Variants in ADAM18 observed in about 807,000 individuals in gnomAD.
ADAM18 encodes ADAM metallopeptidase domain 18, also known as disintegrin and metalloproteinase domain-containing protein 18.
Under a neutral mutation model 94.4 loss-of-function variants are expected in ADAM18, and 117 were observed. The ratio of observed to expected loss-of-function variants is 1.24; its 90% CI spans 1.07 to 1.45. The LOEUF is 1.45. Ranked by LOEUF, ADAM18 falls within the 40% of genes most tolerant of loss-of-function variation. The probability of loss-of-function intolerance (pLI) is 0.00; values close to 1 mark genes in which losing one functional copy is unlikely to be tolerated. For missense variants in ADAM18, 936 were observed against 880.0 expected (o/e 1.06, Z -0.81); for synonymous variants, 327 against 291.6 (o/e 1.12, Z -1.24).
chr8:39,635,723 C>G (rs1820058328), intron 7 of ADAM18, among the ~76,000 whole-genome samples: 1 of 152,062 alleles, frequency 6.6e-6, no homozygotes, highest in Admixed American at 6.6e-5. Flanking sequence ...CTTTGTCTTT[C>G]ATGTACCTTG....
chr8:39,688,078 T>C (rs543507268), intron 16 of ADAM18, among the ~76,000 whole-genome samples: 2 of 152,312 alleles, frequency 1.3e-5, no homozygotes, highest in South Asian at 2.1e-4. Flanking sequence ...CTAATTTACA[T>C]TTCCACCAGC....
chr8:39,610,668 CA>C lies in ADAM18; in HGVS notation c.485del (p.Gln162ArgfsTer10). 1 of 1,613,198 alleles carries C rather than the reference CA, an allele frequency of 6.2e-7. No individual in the cohort carries two copies. Among genetic ancestry groups the C allele is most frequent in the African/African-American group, 1.3e-5 (1 of 74,988 alleles). On this transcript the variant is annotated frameshift_variant, in exon 6 of 20. Coordinates refer to ENST00000265707, the MANE Select transcript of ADAM18 (RefSeq NM_014237.3). LOFTEE classifies it high-confidence loss of function. ...ILAVNYSHIW[Q>X]KDQPYKVPLN... ...AGCAGTAAATTACAGTCATATTTGG[CA>C]GAAAGACCAGCCCTACAAAGTTCCT...
chr8:39,637,835 A>G lies in ADAM18; in HGVS notation c.827+132A>G, dbSNP rs1305068228. On this transcript the variant is annotated intron_variant, in intron 9 of 19. Coordinates refer to ENST00000265707, the MANE Select transcript of ADAM18 (RefSeq NM_014237.3). ...TGTTTAAAAATTAGTAGCCTTTGTC[A>G]TAGAGGTGCTAGTGTACTTAAAAAT... 3 of 709,170 alleles carry G rather than the reference A, an allele frequency of 4.2e-6. No individual in the cohort carries two copies. The East Asian group carries it at 9.3e-5, about 22-fold the overall frequency. The allele number at this position is 709,170 out of a possible 1,614,324, so 43.9% of individuals were successfully genotyped here.
chr8:39,587,369 A>G (rs984505762), intron 2 of ADAM18, among the ~76,000 whole-genome samples: 3 of 152,214 alleles, frequency 2.0e-5, no homozygotes, highest in Non-Finnish European at 2.9e-5. Flanking sequence ...TCATTGAGCA[A>G]TAATTCCCTA....
At chr8:39,585,444 C>T in intron 2 of ADAM18, 92 bp downstream of exon 2, 1 of 898,576 alleles carries the variant, frequency 1.1e-6, no homozygotes. Context: ...AATTTGTATT[C>T]ATTGCCAAAT....
intron 19 of ADAM18, among the ~76,000 whole-genome samples, chr8:39,729,327 T>C (rs1338772741): frequency 6.6e-6 from 1 of 152,202 alleles, no homozygotes; most frequent in South Asian, 2.1e-4. Context: ...ATGGTTAGAA[T>C]GTGTATTTTA....
chr8:39,626,540 G>A (rs1301601889), intron 6 of ADAM18, among the ~76,000 whole-genome samples: 1 of 151,790 alleles, frequency 6.6e-6, no homozygotes, highest in African/African-American at 2.4e-5. Flanking sequence ...TAGGCATTTG[G>A]TGCTATAAAC....
chr8:39,648,036 C>T (rs1011494925), intron 11 of ADAM18, among the ~76,000 whole-genome samples: 6 of 152,036 alleles, frequency 3.9e-5, no homozygotes, highest in Non-Finnish European at 8.8e-5. Context: ...GAAGAGCACA[C>T]TATGCAGAGG....
chr8:39,595,776 G>C (rs1037938609), intron 2 of ADAM18, among the ~76,000 whole-genome samples: 1 of 152,150 alleles, frequency 6.6e-6, no homozygotes, highest in South Asian at 2.1e-4. Flanking sequence ...CACCCACCTC[G>C]GCCTCCCAAA....
At chr8:39,610,379 C>T in intron 5 of ADAM18, 150 bp from the exon 6 acceptor site, 3 of 1,018,698 alleles carry the variant, frequency 2.9e-6, no homozygotes, top group East Asian at 3.1e-5. Flanking sequence ...GATAAACTGC[C>T]CCCCCAAAAA....
At chr8:39,590,462 C>T (rs1266617028) in intron 2 of ADAM18, among the ~76,000 whole-genome samples, 1 of 152,154 alleles carries the variant, frequency 6.6e-6, no homozygotes, top group Non-Finnish European at 1.5e-5. Context: ...GGAGGGATAG[C>T]ATTGGGAGAT....
chr8:39,586,404 C>G (rs1294401239), intron 2 of ADAM18, among the ~76,000 whole-genome samples: 5 of 152,144 alleles, frequency 3.3e-5, no homozygotes, highest in Non-Finnish European at 5.9e-5. Context: ...ATTTTTAACT[C>G]CATTTCCACT....
At chr8:39,616,212 T>C (rs1175530038) in intron 6 of ADAM18, among the ~76,000 whole-genome samples, 1 of 152,050 alleles carries the variant, frequency 6.6e-6, no homozygotes, top group Non-Finnish European at 1.5e-5. Context: ...GAGACCAGCC[T>C]GGCCAACATG....
intron 7 of ADAM18, among the ~76,000 whole-genome samples, chr8:39,637,055 A>G (rs7464400): frequency 0.6 from 83,346 of 138,502 alleles, 26,247 homozygotes; most frequent in Non-Finnish European, 0.67. Flanking sequence ...ATATATATAT[A>G]TATATATATA....
rs867265214 is a variant in ADAM18, at chr8:39,612,578, C to T, written c.522+1872C>T. ...AGCTGCAGTGGAGTAAAGCCAGGAG[C>T]GCTCATACCCCAAGGCTCTTCACAC... On this transcript the variant is annotated intron_variant, in intron 6 of 19. Coordinates refer to ENST00000265707, the MANE Select transcript of ADAM18 (RefSeq NM_014237.3). Among the ~76,000 whole-genome samples the T allele has an allele frequency of 9.2e-5, 14 of 151,974 alleles. 1 individual carries two copies. Among genetic ancestry groups the T allele is most frequent in the East Asian group, 7.7e-4 (4 of 5,168 alleles).
At chr8:39,722,594 A>G (rs1418140035) in intron 18 of ADAM18, among the ~76,000 whole-genome samples, 1 of 151,434 alleles carries the variant, frequency 6.6e-6, no homozygotes, top group Non-Finnish European at 1.5e-5. Context: ...TATTCCGATG[A>G]TAGGTACACT....
At chr8:39,618,369 T>C (rs1271465180) in intron 6 of ADAM18, among the ~76,000 whole-genome samples, 1 of 152,266 alleles carries the variant, frequency 6.6e-6, no homozygotes, top group South Asian at 2.1e-4. Flanking sequence ...GGTCATTTGA[T>C]TGTGAGGTGA....
chr8:39,706,791 T>C lies in ADAM18; in HGVS notation c.1904T>C (p.Ile635Thr), dbSNP rs141828875. ...NATTKCKGKG[I>T]CNNFGNCQCF... ...TGTTTCTGTATTTTTCTGTTTCAGA[T>C]ATGTAATAATTTTGGTAATTGTCAA... The change falls in exon 18 of 20, where the codon ATA becomes ACA. Residue 635 changes from isoleucine (I) to threonine (T), a missense_variant and splice_region_variant. Transcript: ENST00000265707. 6.4e-7 allele frequency: 1 copy of C among 1,562,942 alleles called. No homozygotes were observed.
intron 17 of ADAM18, 145 bp downstream of exon 17, chr8:39,692,825 A>AT: frequency 1.9e-6 from 1 of 533,748 alleles, no homozygotes. Flanking sequence ...ATTTCAAACT[A>AT]TATAACATAT....
Sources: allele counts gnomAD v4.1 joint callset (sites outside exome capture counted in the v4.1 genomes callset), GRCh38; gene constraint gnomAD v4.1.1; transcripts MANE v1.5; gene names NCBI Gene and HGNC (gene_info 2026-07-23, HGNC 2026-07-21).